MAST4: variants seen among roughly 807,000 people sequenced by gnomAD.
MAST4 encodes the protein microtubule associated serine/threonine kinase family member 4, also known as microtubule-associated serine/threonine-protein kinase 4.
MAST4 carries 89 observed loss-of-function variants against 162.7 expected under a neutral mutation model. The observed-to-expected ratio is 0.55, with a 90% CI of 0.46 to 0.65. The LOEUF (loss-of-function observed/expected upper bound fraction) is 0.65, where lower values mean the gene tolerates loss of function less well. MAST4 is among the 30% of genes least tolerant of loss of function. MAST4 has a pLI of 0.00. For missense variants in MAST4, 3,153 were observed against 3,374.0 expected (o/e 0.93, Z 1.62); for synonymous variants, 1,479 against 1,361.1 (o/e 1.09, Z -1.91).
chr5:66,910,742 T>G (rs200700197), intron 4 of MAST4, among the ~76,000 whole-genome samples: 1 of 23,916 alleles, frequency 4.2e-5, no homozygotes, highest in African/African-American at 1.2e-4. Context: ...TTTTTTTTTC[T>G]TTTTTTTTTT....
At chr5:66,750,421 G>A (rs954005854) in intron 1 of MAST4, among the ~76,000 whole-genome samples, 53 of 152,370 alleles carry the variant, frequency 3.5e-4, no homozygotes, top group Admixed American at 1.1e-3. Flanking sequence ...GACAGTGGGC[G>A]CAGGTCAGTG....
intron 2 of MAST4, among the ~76,000 whole-genome samples, chr5:66,787,500 T>G (rs1755171444): frequency 6.6e-6 from 1 of 152,258 alleles, no homozygotes; most frequent in Non-Finnish European, 1.5e-5. Flanking sequence ...GCTCCTGTGC[T>G]TTGACAGTGC....
intron 2 of MAST4, among the ~76,000 whole-genome samples, chr5:66,773,338 C>T (rs1287574049): frequency 6.6e-6 from 1 of 152,174 alleles, no homozygotes; most frequent in African/African-American, 2.4e-5. Context: ...AATTTATTTT[C>T]TTGTGTCTGC....
At chr5:66,655,260 G>T (rs1333932232) in intron 1 of MAST4, among the ~76,000 whole-genome samples, 1 of 152,108 alleles carries the variant, frequency 6.6e-6, no homozygotes, top group Non-Finnish European at 1.5e-5. Flanking sequence ...AAAAATTGGG[G>T]TTCATGGGAT....
intron 3 of MAST4, among the ~76,000 whole-genome samples, chr5:66,815,651 T>G (rs1276692625): frequency 1.3e-5 from 2 of 152,226 alleles, no homozygotes; most frequent in African/African-American, 4.8e-5. Flanking sequence ...ATTCAGATTT[T>G]ATTTTATTTT....
At chr5:66,618,575 T>C (rs1743868818) in intron 1 of MAST4, among the ~76,000 whole-genome samples, 1 of 152,216 alleles carries the variant, frequency 6.6e-6, no homozygotes, top group African/African-American at 2.4e-5. Context: ...AACATTAATG[T>C]CTCATTACAG....
chr5:66,632,934 T>A (rs1374654409), intron 1 of MAST4, among the ~76,000 whole-genome samples: 2 of 152,198 alleles, frequency 1.3e-5, no homozygotes, highest in African/African-American at 4.8e-5. Context: ...TACACACTCA[T>A]GTAAATTTAG....
chr5:67,163,920 G>A lies in MAST4; in HGVS notation c.4741G>A (p.Val1581Met), dbSNP rs771793941. The A allele has an allele frequency of 1.9e-6, 3 of 1,613,976 alleles. No homozygotes were observed. The highest frequency in any genetic ancestry group is 2.5e-6 in the Non-Finnish European group (3 of 1,179,872). The change falls in exon 29 of 29, where the codon GTG (valine) becomes ATG (methionine). Residue 1581 changes from valine to methionine, a missense_variant. By Grantham distance (21) the Val-to-Met change is conservative. This residue lies in a region of MAST4 where 1,644 missense variants were observed against 1,495.0 expected (regional missense o/e 1.10). Coordinates refer to ENST00000403625, the MANE Select transcript of MAST4 (RefSeq NM_001164664.2). This position sits in a 1 kb window ranked among gnomAD's most constrained non-coding sequence, Gnocchi z 7.0. The part of the protein sequence containing the change: ...EREKKVYPKA[V>M]ERSSTFENKA... Reference sequence around the variant, plus strand: ...AGAGAAGAAAGTCTATCCGAAGGCTGTGGAAAGGTCAAGTACTTTTGAAAA... The same window carrying A: ...AGAGAAGAAAGTCTATCCGAAGGCTATGGAAAGGTCAAGTACTTTTGAAAA...
At chr5:66,601,957 G>A (rs1373909924) in intron 1 of MAST4, among the ~76,000 whole-genome samples, 1 of 152,070 alleles carries the variant, frequency 6.6e-6, no homozygotes, top group Non-Finnish European at 1.5e-5. Flanking sequence ...GGTGAGATGC[G>A]ATTGTCCCTA....
chr5:66,887,600 T>C (rs866684107), intron 3 of MAST4, among the ~76,000 whole-genome samples: 2 of 152,226 alleles, frequency 1.3e-5, no homozygotes, highest in African/African-American at 2.4e-5. Context: ...GTTTTTAATA[T>C]GAGGACCCTG....
At chr5:67,037,067 C>G (rs1337714181) in intron 4 of MAST4, among the ~76,000 whole-genome samples, 1 of 151,996 alleles carries the variant, frequency 6.6e-6, no homozygotes, top group African/African-American at 2.4e-5. Context: ...TAAAAGAGGT[C>G]GTTAATTCCA....
intron 1 of MAST4, among the ~76,000 whole-genome samples, chr5:66,743,617 C>G (rs114837393): frequency 6.6e-5 from 10 of 152,028 alleles, no homozygotes; most frequent in Non-Finnish European, 1.3e-4. Context: ...CACAGGGTGG[C>G]CCCCAGACCT....
intron 3 of MAST4, among the ~76,000 whole-genome samples, chr5:66,864,919 T>G (rs568463502): frequency 1.6e-4 from 24 of 152,136 alleles, no homozygotes; most frequent in Non-Finnish European, 2.4e-4. Context: ...TTGAGGACAC[T>G]GGAAGTAAGA....
intron 1 of MAST4, among the ~76,000 whole-genome samples, chr5:66,642,299 T>G (rs1454820398): frequency 1.3e-5 from 2 of 152,198 alleles, no homozygotes; most frequent in Non-Finnish European, 2.9e-5. Flanking sequence ...GGACAAATTA[T>G]AGAGTTTCTT....
intron 3 of MAST4, among the ~76,000 whole-genome samples, chr5:66,831,842 G>C (rs1757620160): frequency 6.6e-6 from 1 of 152,140 alleles, no homozygotes; most frequent in African/African-American, 2.4e-5. Context: ...GGATGGATGG[G>C]CTTGGGCCGA....
intron 3 of MAST4, among the ~76,000 whole-genome samples, chr5:66,821,164 T>G (rs2149733333): frequency 6.6e-6 from 1 of 152,352 alleles, no homozygotes; most frequent in East Asian, 1.9e-4. Context: ...GTATTATCAG[T>G]GGGAAGGTGT....
intron 1 of MAST4, among the ~76,000 whole-genome samples, chr5:66,757,627 TATTGAAG>T: frequency 9.7e-6 from 1 of 103,002 alleles, no homozygotes; most frequent in African/African-American, 4.4e-5. Flanking sequence ...CATGTTGAAG[TATTGAAG>T]TATTTGGAGG....
intron 1 of MAST4, among the ~76,000 whole-genome samples, chr5:66,620,763 T>A (rs904087136): frequency 2.6e-5 from 4 of 152,202 alleles, no homozygotes; most frequent in African/African-American, 7.2e-5. Flanking sequence ...GGGACAATTC[T>A]GTTTTTACAG....
chr5:66,614,908 G>T (rs979995392), intron 1 of MAST4, among the ~76,000 whole-genome samples: 2 of 152,136 alleles, frequency 1.3e-5, no homozygotes, highest in Non-Finnish European at 2.9e-5. Flanking sequence ...TGCTTTGTTT[G>T]GGGGTGGGGC....
Sources: gnomAD v4.1 joint callset for allele counts (sites outside exome capture counted in the v4.1 genomes callset) on GRCh38, gnomAD v4.1.1 for gene constraint, gnomAD v4.1.1 regional missense constraint, Gnocchi (gnomAD v3.1) non-coding constraint, MANE v1.5 for transcripts, NCBI Gene and HGNC (gene_info 2026-07-23, HGNC 2026-07-21) for gene names.